The following COTL1 variants were observed in gnomAD, a reference collection of about 807,000 sequenced individuals.
COTL1 encodes coactosin-like protein.
COTL1 carries 15 observed loss-of-function variants against 16.5 expected under a neutral mutation model. That is an observed-to-expected ratio of 0.91 (90% CI 0.61 to 1.40). The LOEUF is 1.40. Among genes scored for constraint, COTL1 ranks in the 40% most tolerant of loss-of-function variants. The pLI, the probability that COTL1 is intolerant of heterozygous loss-of-function variation, is 0.00. For synonymous variants in COTL1, 112 were observed against 85.3 expected, an observed-to-expected ratio of 1.31 and a Z score of -1.73; for missense variants, 220 against 201.5, an observed-to-expected ratio of 1.09 and a Z score of -0.56.
intron 2 of COTL1, among the ~76,000 whole-genome samples, chr16:84,615,710 C>T (rs980324744): frequency 6.6e-6 from 1 of 152,160 alleles, no homozygotes; most frequent in African/African-American, 2.4e-5. Flanking sequence ...ACTACAGAGG[C>T]GGAGGGACGG....
At chr16:84,581,674 T>G (rs1374019753) in intron 3 of COTL1, among the ~76,000 whole-genome samples, 1 of 151,822 alleles carries the variant, frequency 6.6e-6, no homozygotes, top group Non-Finnish European at 1.5e-5. Flanking sequence ...CAGCCTAATT[T>G]TTGTATTTTT....
Position 84,590,420 on chromosome 16 carries a change from GCACTCATCCGCTGCCCTTGTCA to G in COTL1, c.161-180_161-159del, listed in dbSNP as rs1597175854. On this transcript the variant is annotated intron_variant, in intron 2 of 3. Transcript: ENST00000262428. This position sits in a 1 kb window ranked among gnomAD's most constrained non-coding sequence, Gnocchi z 5.5. ...ACCATGTGCAGAGGACAGGAGGGAA[GCACTCATCCGCTGCCCTTGTCA>G]CACTCCCCTGAATCCTGGCAACAGT... is the stretch of plus-strand genomic sequence containing the variant. The G allele has an allele frequency of 1.4e-6, 1 of 694,850 alleles. No homozygotes were observed. The highest frequency in any genetic ancestry group is 2.9e-5 in the East Asian group (1 of 34,902). The allele number at this position is 694,850 out of a possible 1,614,324, so 43.0% of individuals were successfully genotyped here.
intron 2 of COTL1, among the ~76,000 whole-genome samples, chr16:84,598,512 C>A (rs888223393): frequency 6.6e-6 from 1 of 152,132 alleles, no homozygotes; most frequent in Admixed American, 6.5e-5. Context: ...ACTCAGCAGC[C>A]GGCCCTGGTG....
At position 84,566,633 on chromosome 16, in the gene COTL1, AAAGAGGTTCC is replaced by A. The variant is rs1904299514; in HGVS notation, c.*202_*211del. The A allele has an allele frequency of 2.0e-6, 1 of 489,474 alleles. No homozygotes were observed. The highest frequency in any genetic ancestry group is 2.0e-5 in the African/African-American group (1 of 51,152). The allele number at this position is 489,474 out of a possible 1,614,324, so 30.3% of individuals were successfully genotyped here. A position where few individuals can be genotyped will look rare whatever the true frequency, so the allele number is the denominator to read the frequency against. Reference sequence around the variant, plus strand: ...GGAGAAAAGAAAAAGAAGATCAAAGAAAGAGGTTCCATGAGCGTCATGAGATAGGACACGG... The same window carrying A: ...GGAGAAAAGAAAAAGAAGATCAAAGAATGAGCGTCATGAGATAGGACACGG... On this transcript the variant is annotated 3_prime_UTR_variant, in exon 4 of 4. Coordinates refer to ENST00000262428, the MANE Select transcript of COTL1 (RefSeq NM_021149.5).
At chr16:84,588,122 C>CT (rs1366852790) in intron 3 of COTL1, among the ~76,000 whole-genome samples, 1 of 151,950 alleles carries the variant, frequency 6.6e-6, no homozygotes, top group Non-Finnish European at 1.5e-5. Flanking sequence ...GCGTGGTGGC[C>CT]TATAATCCAA....
chr16:84,616,179 G>C (rs548312627), intron 2 of COTL1: 1 of 152,384 alleles, frequency 6.6e-6, no homozygotes, highest in East Asian at 1.9e-4. Context: ...AAACCACACA[G>C]CCAGGAAGCA....
chr16:84,591,261 GCAAGCTTGGCCTC>G (rs1176929950), intron 2 of COTL1, among the ~76,000 whole-genome samples: 1 of 149,400 alleles, frequency 6.7e-6, no homozygotes, highest in East Asian at 2.0e-4. Flanking sequence ...TCGACTCACT[GCAAGCTTGGCCTC>G]TAGGGTTCAC....
intron 3 of COTL1, among the ~76,000 whole-genome samples, chr16:84,580,559 G>A (rs1054632787): frequency 6.6e-6 from 1 of 152,084 alleles, no homozygotes; most frequent in Non-Finnish European, 1.5e-5. Flanking sequence ...CAGATGCATC[G>A]CTTTTGAGTT....
At chr16:84,594,105 A>C (rs751606310) in intron 2 of COTL1, among the ~76,000 whole-genome samples, 2 of 149,956 alleles carry the variant, frequency 1.3e-5, no homozygotes, top group Non-Finnish European at 3.0e-5. Flanking sequence ...GCGGGTCACC[A>C]CTTCATTCCT....
At chr16:84,571,986 C>T (rs1003040687) in intron 3 of COTL1, among the ~76,000 whole-genome samples, 3 of 152,230 alleles carry the variant, frequency 2.0e-5, no homozygotes, top group Non-Finnish European at 2.9e-5. Flanking sequence ...CCATTCAGGG[C>T]GTGGACTCCA....
chr16:84,585,970 G>A (rs954558404), intron 3 of COTL1, among the ~76,000 whole-genome samples: 1 of 152,136 alleles, frequency 6.6e-6, no homozygotes, highest in Admixed American at 6.6e-5. Flanking sequence ...CTGGGATCAC[G>A]CTGGAGCTGC....
intron 2 of COTL1, among the ~76,000 whole-genome samples, chr16:84,593,925 A>G (rs980046751): frequency 6.6e-6 from 1 of 151,892 alleles, no homozygotes; most frequent in African/African-American, 2.4e-5. Context: ...GTCACTCCCC[A>G]TTCTCCACCC....
chr16:84,577,493 C>T (rs922983799), intron 3 of COTL1, among the ~76,000 whole-genome samples: 7 of 152,222 alleles, frequency 4.6e-5, no homozygotes, highest in African/African-American at 1.7e-4. Flanking sequence ...GATCCACCTG[C>T]CTCGGTCTCC....
intron 2 of COTL1, chr16:84,595,991 C>G (rs1385572593): frequency 6.6e-6 from 1 of 152,078 alleles, no homozygotes; most frequent in Non-Finnish European, 1.5e-5. Flanking sequence ...TGTGTATGCA[C>G]TAAGACGGCA....
Position 84,573,981 on chromosome 16 carries a change from C to G in COTL1, c.319-7026G>C, listed in dbSNP as rs909745334. Among the ~76,000 whole-genome samples the G allele has an allele frequency of 2.0e-5, 3 of 152,108 alleles. No homozygotes were observed. In the East Asian group the frequency reaches 5.8e-4, roughly 29 times the overall value. ...AGACTAGCCTGGGGAACAGTGGGAC[C>G]CTTTCTCTACAAATAATAATAATAA... On this transcript the variant is annotated intron_variant, in intron 3 of 3. Transcript: ENST00000262428.
At chr16:84,602,652 C>T (rs1452633997) in intron 2 of COTL1, among the ~76,000 whole-genome samples, 3 of 152,064 alleles carry the variant, frequency 2.0e-5, no homozygotes, top group Non-Finnish European at 2.9e-5. Context: ...CTCAGGAATT[C>T]GAGACCAGCC....
intron 3 of COTL1, among the ~76,000 whole-genome samples, chr16:84,584,032 G>C (rs913999067): frequency 7.9e-5 from 12 of 152,222 alleles, no homozygotes; most frequent in African/African-American, 2.9e-4. Flanking sequence ...AATCAAGAGA[G>C]CCTGGCCCTG....
chr16:84,567,140 A>T, intron 3 of COTL1, 185 bp from the exon 4 acceptor site: 1 of 558,740 alleles, frequency 1.8e-6, no homozygotes. Flanking sequence ...TGAACAGCAG[A>T]GTCATCTGGC....
intron 2 of COTL1, chr16:84,595,136 T>C (rs2925061): frequency 1 from 151,760 of 152,356 alleles, 75,587 homozygotes; most frequent in Middle Eastern, 1. Context: ...ATAAGTAAGT[T>C]ACACCCACAA....
Sources: gnomAD v4.1 joint callset for allele counts (sites outside exome capture counted in the v4.1 genomes callset) on GRCh38, gnomAD v4.1.1 for gene constraint, Gnocchi (gnomAD v3.1) non-coding constraint, MANE v1.5 for transcripts, NCBI Gene and HGNC (gene_info 2026-07-23, HGNC 2026-07-21) for gene names.